Variants in SDK1 observed in about 807,000 individuals in gnomAD.
SDK1 encodes sidekick cell adhesion molecule 1.
SDK1 carries 157 observed loss-of-function variants against 245.5 expected under a neutral mutation model. The observed-to-expected ratio is 0.64, with a 90% confidence interval of 0.56 to 0.73. SDK1 has a LOEUF of 0.73. Ranked by LOEUF, SDK1 falls within the 30% of genes least tolerant of loss-of-function variation. The probability of loss-of-function intolerance (pLI) is 0.00; values close to 1 mark genes in which losing one functional copy is unlikely to be tolerated. For missense variants in SDK1, 3,583 were observed against 3,002.3 expected (o/e 1.19, Z -4.52); for synonymous variants, 1,647 against 1,278.5 (o/e 1.29, Z -6.15).
intron 4 of SDK1, among the ~76,000 whole-genome samples, chr7:3,765,915 C>T (rs957732968): frequency 1.3e-5 from 2 of 152,144 alleles, no homozygotes; most frequent in African/African-American, 4.8e-5. Context: ...CTCCTTAGAT[C>T]ATGTTTTAGA....
intron 1 of SDK1, among the ~76,000 whole-genome samples, chr7:3,432,777 C>G (rs1296273915): frequency 6.6e-6 from 1 of 152,116 alleles, no homozygotes; most frequent in Non-Finnish European, 1.5e-5. Context: ...GAGTCAGTTT[C>G]CCTCCACAAA....
chr7:3,470,869 T>G (rs778233213), intron 1 of SDK1, among the ~76,000 whole-genome samples: 2 of 152,192 alleles, frequency 1.3e-5, no homozygotes, highest in Admixed American at 1.3e-4. Context: ...TTACTCACCT[T>G]GTATTATGTG....
At chr7:3,846,311 T>C (rs533448549) in intron 5 of SDK1, among the ~76,000 whole-genome samples, 9 of 152,374 alleles carry the variant, frequency 5.9e-5, no homozygotes, top group African/African-American at 2.2e-4. Context: ...ATTATGTTTA[T>C]TGCATGAAAA....
chr7:3,612,248 A>T (rs1443948321), intron 1 of SDK1, among the ~76,000 whole-genome samples: 1 of 152,242 alleles, frequency 6.6e-6, no homozygotes, highest in Non-Finnish European at 1.5e-5. Context: ...AAATAAAAAA[A>T]TTAAAAATCC....
Position 3,515,231 on chromosome 7 carries a change from A to G in SDK1, c.299-103849A>G, listed in dbSNP as rs946052405. ...GAATACTGACTCTGAGCCCATTGTG[A>G]CCCTGCTGAGAGAACACCTCTAGGA... On this transcript the variant is annotated intron_variant, in intron 1 of 44. Transcript: ENST00000404826. Among the ~76,000 whole-genome samples the G allele has an allele frequency of 2.6e-5, 4 of 152,112 alleles. No individual in the cohort carries two copies. The East Asian group carries it at 7.7e-4, about 29-fold the overall frequency.
chr7:3,554,629 G>C (rs1779523581), intron 1 of SDK1, among the ~76,000 whole-genome samples: 1 of 152,154 alleles, frequency 6.6e-6, no homozygotes, highest in Admixed American at 6.5e-5. Context: ...CCTGGTTTTA[G>C]CATCATACTA....
chr7:3,370,791 T>C (rs894798310), intron 1 of SDK1, among the ~76,000 whole-genome samples: 2 of 152,192 alleles, frequency 1.3e-5, no homozygotes, highest in African/African-American at 4.8e-5. Flanking sequence ...ATGTACACAG[T>C]GTGCATAGCT....
chr7:3,743,419 G>C (rs1320521322), intron 4 of SDK1, among the ~76,000 whole-genome samples: 2 of 152,056 alleles, frequency 1.3e-5, no homozygotes, highest in African/African-American at 4.8e-5. Flanking sequence ...TTCTCATGTA[G>C]GCTTCTGTAT....
intron 30 of SDK1, among the ~76,000 whole-genome samples, chr7:4,155,415 T>G (rs565400925): frequency 6.6e-6 from 1 of 152,194 alleles, no homozygotes; most frequent in African/African-American, 2.4e-5. Flanking sequence ...CACGCACTTA[T>G]GGCACACCAC....
rs73673603 is a variant in SDK1 at position 3,534,720 on chromosome 7, G to A, written c.299-84360G>A. The stretch of plus-strand genomic sequence containing the variant: ...AAGAAATTACTTAGGTAGATAGTGA[G>A]GGTATGGAAGTCCTCAGTAAGGTTT... On this transcript the variant is annotated intron_variant, in intron 1 of 44. Transcript: ENST00000404826. Among the ~76,000 whole-genome samples, 784 of 152,284 alleles carry A rather than the reference G, an allele frequency of 5.1e-3. 5 individuals are homozygous for A. The highest frequency in any genetic ancestry group is 0.018 in the African/African-American group (754 of 41,550).
Position 4,245,807 on chromosome 7 carries a change from T to G in SDK1, c.6381+2T>G. On this transcript the variant is annotated splice_donor_variant, in intron 44 of 44. Transcript: ENST00000404826. LOFTEE classifies it high-confidence loss of function. Reference sequence around the variant, plus strand: ...TCGGCAGATGCATCAGAATCTGAGGTCAGTGTCGGTGCCTACTTCCGGGCA... The same window carrying G: ...TCGGCAGATGCATCAGAATCTGAGGGCAGTGTCGGTGCCTACTTCCGGGCA... 1.2e-6 allele frequency: 2 copies of G among 1,613,558 alleles called. No individual in the cohort carries two copies. The highest frequency in any genetic ancestry group is 1.7e-6 in the Non-Finnish European group (2 of 1,179,850).
At chr7:3,724,801 C>A (rs1224557758) in intron 4 of SDK1, among the ~76,000 whole-genome samples, 4 of 152,310 alleles carry the variant, frequency 2.6e-5, no homozygotes, top group South Asian at 2.1e-4. Context: ...CTACCTCTTA[C>A]AACCCTGGAC....
intron 1 of SDK1, among the ~76,000 whole-genome samples, chr7:3,587,308 T>TAC (rs1780722897): frequency 6.6e-6 from 1 of 151,776 alleles, no homozygotes; most frequent in African/African-American, 2.4e-5. Context: ...AACGTGTGTG[T>TAC]GTGTGTGTGT....
At chr7:4,150,229 G>A (rs902911441) in intron 30 of SDK1, among the ~76,000 whole-genome samples, 5 of 152,254 alleles carry the variant, frequency 3.3e-5, no homozygotes, top group East Asian at 3.9e-4. Flanking sequence ...TGTCTGGTTC[G>A]CAGGCCCTGC....
intron 17 of SDK1, among the ~76,000 whole-genome samples, chr7:4,018,611 T>A (rs981248070): frequency 6.6e-6 from 1 of 152,270 alleles, no homozygotes; most frequent in East Asian, 1.9e-4. Context: ...AAGACTCATA[T>A]TGCTATTAGT....
intron 1 of SDK1, among the ~76,000 whole-genome samples, chr7:3,616,681 A>G (rs1335368366): frequency 6.6e-6 from 1 of 152,222 alleles, no homozygotes; most frequent in Non-Finnish European, 1.5e-5. Context: ...TTGTATTACT[A>G]ATATACCAAT....
At chr7:3,954,906 T>G (rs923051566) in intron 7 of SDK1, among the ~76,000 whole-genome samples, 1 of 152,102 alleles carries the variant, frequency 6.6e-6, no homozygotes, top group African/African-American at 2.4e-5. Context: ...GTGACACACA[T>G]TTTTCATGTT....
intron 4 of SDK1, among the ~76,000 whole-genome samples, chr7:3,697,395 T>G (rs905996187): frequency 6.6e-6 from 1 of 152,240 alleles, no homozygotes; most frequent in African/African-American, 2.4e-5. Flanking sequence ...AGGTCTCATC[T>G]TCAACTAATG....
chr7:3,468,055 C>G (rs963404516), intron 1 of SDK1, among the ~76,000 whole-genome samples: 3 of 151,736 alleles, frequency 2.0e-5, no homozygotes, highest in Non-Finnish European at 4.4e-5. Flanking sequence ...GAATATTTAT[C>G]TCAGTATTTT....
Sources: gnomAD v4.1 joint callset for allele counts (sites outside exome capture counted in the v4.1 genomes callset) on GRCh38, gnomAD v4.1.1 for gene constraint, MANE v1.5 for transcripts, NCBI Gene and HGNC (gene_info 2026-07-23, HGNC 2026-07-21) for gene names.